MAGI2: variants seen among roughly 807,000 people sequenced by gnomAD.
MAGI2 encodes the protein membrane-associated guanylate kinase, WW and PDZ domain-containing protein 2.
MAGI2 carries 35 observed loss-of-function variants against 133.3 expected under a neutral mutation model. The ratio of observed to expected loss-of-function variants is 0.26; its 90% CI spans 0.20 to 0.35. The LOEUF is 0.35. Among genes scored for constraint, MAGI2 ranks in the 10% least tolerant of loss-of-function variants. The pLI is 1.00. For synonymous variants in MAGI2, 729 were observed against 710.6 expected, an observed-to-expected ratio of 1.03 and a Z score of -0.41; for missense variants, 1,636 against 1,863.4, an observed-to-expected ratio of 0.88 and a Z score of 2.25.
chr7:79,111,000 G>A lies in MAGI2; in HGVS notation c.302-103794C>T, dbSNP rs115148731. Among the ~76,000 whole-genome samples the A allele has an allele frequency of 8.8e-3, 1,334 of 152,196 alleles. 27 individuals carry two copies. The highest frequency in any genetic ancestry group is 0.031 in the African/African-American group (1,280 of 41,520). Reference sequence around the variant, plus strand: ...CTGCCATCAGTAAAATCTCCCTGATGCCTCCCCAGAAGCCAAGCAGATGCC... The same window carrying A: ...CTGCCATCAGTAAAATCTCCCTGATACCTCCCCAGAAGCCAAGCAGATGCC... On this transcript the variant is annotated intron_variant, in intron 1 of 21. Transcript: ENST00000354212.
intron 3 of MAGI2, among the ~76,000 whole-genome samples, chr7:78,539,178 G>T (rs1798207974): frequency 6.6e-6 from 1 of 152,308 alleles, no homozygotes; most frequent in East Asian, 1.9e-4. Flanking sequence ...TTATTACAAG[G>T]TATGTCCCTT....
intron 1 of MAGI2, among the ~76,000 whole-genome samples, chr7:79,174,129 C>T (rs1000596059): frequency 2.6e-5 from 4 of 151,934 alleles, no homozygotes; most frequent in Admixed American, 6.6e-5. Flanking sequence ...CGTGTGTCAG[C>T]GTGTTCTAGA....
intron 10 of MAGI2, among the ~76,000 whole-genome samples, chr7:78,214,168 A>C (rs1788041188): frequency 6.6e-6 from 1 of 152,148 alleles, no homozygotes; most frequent in Non-Finnish European, 1.5e-5. Context: ...TCTATTTCAG[A>C]CTTCTTTATC....
At chr7:79,415,121 G>C (rs1029076702) in intron 1 of MAGI2, 4 of 152,124 alleles carry the variant, frequency 2.6e-5, no homozygotes, top group Non-Finnish European at 5.9e-5. Context: ...CAGAGAATAT[G>C]AATCCAGTTT....
At chr7:78,426,552 C>T (rs1333210317) in intron 6 of MAGI2, among the ~76,000 whole-genome samples, 1 of 151,910 alleles carries the variant, frequency 6.6e-6, no homozygotes, top group Non-Finnish European at 1.5e-5. Flanking sequence ...CACATGTATA[C>T]ATATGTAACT....
chr7:78,743,177 A>T (rs532408377), intron 2 of MAGI2, among the ~76,000 whole-genome samples: 46 of 152,334 alleles, frequency 3.0e-4, no homozygotes, highest in East Asian at 7.7e-4. Flanking sequence ...AGTAACTAGA[A>T]CATCCCCTCC....
chr7:78,711,708 G>A (rs1819209589), intron 2 of MAGI2, among the ~76,000 whole-genome samples: 1 of 152,146 alleles, frequency 6.6e-6, no homozygotes, highest in Non-Finnish European at 1.5e-5. Flanking sequence ...GAGAAAGGAG[G>A]TGGAATTACA....
chr7:79,107,254 T>C (rs1031479835), intron 1 of MAGI2, among the ~76,000 whole-genome samples: 1 of 152,178 alleles, frequency 6.6e-6, no homozygotes, highest in African/African-American at 2.4e-5. Flanking sequence ...TCTCCATTGC[T>C]GGCTTTGAAG....
intron 10 of MAGI2, among the ~76,000 whole-genome samples, chr7:78,224,939 A>G (rs1789219370): frequency 6.6e-6 from 1 of 152,062 alleles, no homozygotes; most frequent in Admixed American, 6.5e-5. Context: ...CCCAGCAGAG[A>G]AATAGGTCCT....
chr7:79,453,249 C>T lies in MAGI2; in HGVS notation c.72G>A (p.Pro24=), dbSNP rs957369164. The T allele has an allele frequency of 6.2e-7, 1 of 1,613,848 alleles. No individual in the cohort carries two copies. The highest frequency in any genetic ancestry group is 8.5e-7 in the Non-Finnish European group (1 of 1,180,036). ...TCAGTTCAAAGCCCAGCTGGCCCTC[C>T]GGGTTCCTGCCAATGACACTCTCAT... is the stretch of plus-strand genomic sequence containing the variant. ...KVHESVIGRN[P]EGQLGFELKG... The change falls in exon 1 of 22, where the codon CCG becomes CCA. Residue 24 remains proline (P), a synonymous_variant. Coordinates refer to ENST00000354212, the MANE Select transcript of MAGI2 (RefSeq NM_012301.4).
chr7:78,827,612 A>G (rs1790777987), intron 2 of MAGI2, among the ~76,000 whole-genome samples: 1 of 152,186 alleles, frequency 6.6e-6, no homozygotes, highest in Non-Finnish European at 1.5e-5. Flanking sequence ...CTAGAACTCT[A>G]GAAACATATA....
intron 1 of MAGI2, among the ~76,000 whole-genome samples, chr7:79,191,275 TA>T (rs1827630568): frequency 6.6e-6 from 1 of 151,600 alleles, no homozygotes; most frequent in Non-Finnish European, 1.5e-5. Flanking sequence ...AGAGTTTACA[TA>T]TTTTCAATGA....
At chr7:78,421,606 A>G (rs1798803003) in intron 6 of MAGI2, among the ~76,000 whole-genome samples, 1 of 152,172 alleles carries the variant, frequency 6.6e-6, no homozygotes, top group Non-Finnish European at 1.5e-5. Context: ...TGATCCCAGG[A>G]GTTCAAGATC....
intron 2 of MAGI2, among the ~76,000 whole-genome samples, chr7:78,828,183 C>T (rs749631062): frequency 3.3e-5 from 5 of 151,216 alleles, no homozygotes; most frequent in Non-Finnish European, 7.3e-5. Flanking sequence ...TCGTGCCCAG[C>T]CTTCCCCGCC....
At chr7:78,948,672 A>C (rs1801629894) in intron 2 of MAGI2, among the ~76,000 whole-genome samples, 1 of 152,172 alleles carries the variant, frequency 6.6e-6, no homozygotes, top group Non-Finnish European at 1.5e-5. Flanking sequence ...TAGAATCAAT[A>C]ATAGAAAACT....
At chr7:79,399,647 G>A (rs1845331355) in intron 1 of MAGI2, among the ~76,000 whole-genome samples, 1 of 152,146 alleles carries the variant, frequency 6.6e-6, no homozygotes, top group Admixed American at 6.5e-5. Flanking sequence ...TTGGGAATTT[G>A]TAGATTATAC....
chr7:79,001,137 G>A (rs539406143), intron 2 of MAGI2, among the ~76,000 whole-genome samples: 1 of 152,176 alleles, frequency 6.6e-6, no homozygotes, highest in South Asian at 2.1e-4. Context: ...GGATGGTCTC[G>A]ATCTCTTGAC....
intron 20 of MAGI2, among the ~76,000 whole-genome samples, chr7:78,124,861 C>CTT (rs10707820): frequency 2.6e-4 from 36 of 137,432 alleles, no homozygotes; most frequent in East Asian, 4.2e-4. Flanking sequence ...TAGCTGCTGT[C>CTT]TTTTTTTTTT....
intron 1 of MAGI2, among the ~76,000 whole-genome samples, chr7:79,050,721 T>C (rs1448937196): frequency 6.6e-6 from 1 of 152,160 alleles, no homozygotes; most frequent in Non-Finnish European, 1.5e-5. Context: ...CTCCTACCAT[T>C]TTTACCCCAC....
Sources: gnomAD v4.1 joint callset for allele counts (sites outside exome capture counted in the v4.1 genomes callset) on GRCh38, gnomAD v4.1.1 for gene constraint, MANE v1.5 for transcripts, NCBI Gene and HGNC (gene_info 2026-07-23, HGNC 2026-07-21) for gene names.